Variants in ITPR3 observed in about 807,000 individuals in gnomAD.
ITPR3 encodes inositol 1,4,5-trisphosphate receptor type 3, also known as inositol 1,4,5-trisphosphate-gated calcium channel ITPR3.
In ITPR3, 173 loss-of-function variants were observed where a neutral mutation model predicts 293.2. That is an observed-to-expected ratio of 0.59 (90% confidence interval 0.52 to 0.67). The LOEUF (loss-of-function observed/expected upper bound fraction) is 0.67. Ranked by LOEUF, ITPR3 falls within the 30% of genes least tolerant of loss-of-function variation. The pLI, the probability that ITPR3 is intolerant of heterozygous loss-of-function variation, is 0.00. For synonymous variants in ITPR3, 1,295 were observed against 1,444.4 expected, an observed-to-expected ratio of 0.90 and a Z score of 2.35; for missense variants, 2,796 against 3,592.1, an observed-to-expected ratio of 0.78 and a Z score of 5.66.
rs761522415 is a variant in ITPR3, at chr6:33,693,574, A to T, written c.7654A>T (p.Thr2552Ser). 1.2e-6 allele frequency: 2 copies of T among 1,614,156 alleles called. No individual in the cohort carries two copies. Among genetic ancestry groups the T allele is most frequent in the Non-Finnish European group, 1.7e-6 (2 of 1,180,030 alleles). The stretch of plus-strand genomic sequence containing the variant: ...GGAGAGGGACAAGTTTGATAACAAG[A>T]CAGTGTCATTTGAGGAACACATCAA... ...GLERDKFDNK[T>S]VSFEEHIKLE... is the part of the protein sequence containing the mutation. Residue 2552 changes from threonine to serine, a missense_variant, in exon 56 of 58, where the codon ACA (threonine) becomes TCA (serine). Physicochemically the swap from Thr to Ser is moderately conservative, Grantham distance 58. Around this residue, in one of 8 missense-constraint regions of ITPR3, gnomAD observed 568 missense variants for 796.1 expected, o/e 0.71. Transcript: ENST00000605930.
At chr6:33,694,705 CA>C in intron 56 of ITPR3, 2 of 560,614 alleles carry the variant, frequency 3.6e-6, no homozygotes, top group Admixed American at 3.4e-5. Context: ...TAACGGAAGT[CA>C]GCCTGTCTCG....
chr6:33,677,491 G>A lies in ITPR3; in HGVS notation c.3523-13G>A, dbSNP rs752811677. The A allele has an allele frequency of 5.0e-6, 8 of 1,613,218 alleles. No homozygotes were observed. The highest frequency in any genetic ancestry group is 4.0e-5 in the African/African-American group (3 of 74,870). ...GTAGGGAAGGGGCTCTGGCTCACCCGCCTCCCCTGCAGATCCTGGAAAGGC... is the reference window on the plus strand; with the variant it reads ...GTAGGGAAGGGGCTCTGGCTCACCCACCTCCCCTGCAGATCCTGGAAAGGC... On this transcript the variant is annotated splice_polypyrimidine_tract_variant and intron_variant, in intron 27 of 57. Coordinates refer to ENST00000605930, the MANE Select transcript of ITPR3 (RefSeq NM_002224.4).
At position 33,691,984 on chromosome 6, in the gene ITPR3, G is replaced by T; in HGVS notation, c.7458+56G>T. Reference sequence around the variant, plus strand: ...GGGGCCCAAGCCACTGTCCAGATCAGCAACTGTGGAGAGTCCTGTCCTTGG... The same window carrying T: ...GGGGCCCAAGCCACTGTCCAGATCATCAACTGTGGAGAGTCCTGTCCTTGG... On this transcript the variant is annotated intron_variant, in intron 54 of 57. Coordinates refer to ENST00000605930, the MANE Select transcript of ITPR3 (RefSeq NM_002224.4). This position sits in a 1 kb window ranked among gnomAD's most constrained non-coding sequence, Gnocchi z 4.9. The T allele has an allele frequency of 6.2e-7, 1 of 1,609,232 alleles. No homozygotes were observed. Among genetic ancestry groups the T allele is most frequent in the Non-Finnish European group, 8.5e-7 (1 of 1,178,070 alleles).
In ITPR3 at chr6:33,686,258, G is replaced by C. The variant is rs79380236; in HGVS notation, c.5868+5G>C. On this transcript the variant is annotated splice_donor_5th_base_variant and intron_variant, in intron 42 of 57. Coordinates refer to ENST00000605930, the MANE Select transcript of ITPR3 (RefSeq NM_002224.4). Reference sequence around the variant, plus strand: ...GGCCCCTGCCATGAGAACCAGGTGAGCTGTCCTGGTGGCATAAGTGGCAGC... The same window carrying C: ...GGCCCCTGCCATGAGAACCAGGTGACCTGTCCTGGTGGCATAAGTGGCAGC... 5 of 1,613,128 alleles carry C rather than the reference G, an allele frequency of 3.1e-6. No individual in the cohort carries two copies. The highest frequency in any genetic ancestry group is 4.2e-6 in the Non-Finnish European group (5 of 1,179,678).
chr6:33,676,459 T>C, intron 25 of ITPR3, among the ~76,000 whole-genome samples: 1 of 152,202 alleles, frequency 6.6e-6, no homozygotes, highest in East Asian at 1.9e-4. Context: ...TTGCCCTGCC[T>C]GTTTGGGGTC....
rs1764630575 is a variant in ITPR3, at chr6:33,667,168, G to T, written c.1591G>T (p.Gly531Cys). ...GAAGGCCCCGTTCCGTGAGAAGGGG[G>T]GTGAAGGTCCCCTGGTGCGGCTGGA... is the stretch of plus-strand genomic sequence containing the variant. ...ILKAPFREKGGEGPLVRLEEL... is the reference protein window; with the variant it reads ...ILKAPFREKGCEGPLVRLEEL... The change falls in exon 15 of 58, where the codon GGT becomes TGT. Residue 531 changes from glycine to cysteine, a missense_variant. Coordinates refer to ENST00000605930, the MANE Select transcript of ITPR3 (RefSeq NM_002224.4). The surrounding 1 kb of genome is among the most constrained non-coding windows in gnomAD (Gnocchi z 4.4). 1.9e-6 allele frequency: 3 copies of T among 1,614,048 alleles called. No homozygotes were observed. Among genetic ancestry groups the T allele is most frequent in the Non-Finnish European group, 2.5e-6 (3 of 1,179,998 alleles).
chr6:33,633,338 G>A lies in ITPR3; in HGVS notation c.90-7146G>A, dbSNP rs535214693. ...CCTTGTGGGGAGGCGTTGGCGAGAG[G>A]GGGGTGAAGCGAAGCGGCCACTTAC... On this transcript the variant is annotated intron_variant, in intron 1 of 57. Coordinates refer to ENST00000605930, the MANE Select transcript of ITPR3 (RefSeq NM_002224.4). This position sits in a 1 kb window ranked among gnomAD's most constrained non-coding sequence, Gnocchi z 5.2. Among the ~76,000 whole-genome samples the A allele has an allele frequency of 1.3e-5, 2 of 152,326 alleles. No individual in the cohort carries two copies. Among genetic ancestry groups the A allele is most frequent in the African/African-American group, 4.8e-5 (2 of 41,578 alleles).
rs1005442669 is a variant in ITPR3 at position 33,633,676 on chromosome 6, G to A, written c.90-6808G>A. Among the ~76,000 whole-genome samples, 4 of 149,724 alleles carry A rather than the reference G, an allele frequency of 2.7e-5. No individual in the cohort carries two copies. Among genetic ancestry groups the A allele is most frequent in the Non-Finnish European group, 4.5e-5 (3 of 67,210 alleles). On this transcript the variant is annotated intron_variant, in intron 1 of 57. Transcript: ENST00000605930. The surrounding 1 kb of genome is among the most constrained non-coding windows in gnomAD (Gnocchi z 5.2). ...AGGCAGGCCGGGGCGAGGCCGCGCTGGCCCTCCCTTGGCGGCGGCGGCGCG... is the reference window on the plus strand; with the variant it reads ...AGGCAGGCCGGGGCGAGGCCGCGCTAGCCCTCCCTTGGCGGCGGCGGCGCG...
At chr6:33,651,380 G>A (rs1289750350) in intron 2 of ITPR3, among the ~76,000 whole-genome samples, 2 of 151,838 alleles carry the variant, frequency 1.3e-5, no homozygotes, top group Non-Finnish European at 2.9e-5. Context: ...TGAGGGTCTC[G>A]CCAGTTCAAG....
chr6:33,625,417 C>T (rs958774411), intron 1 of ITPR3, among the ~76,000 whole-genome samples: 2 of 152,082 alleles, frequency 1.3e-5, no homozygotes, highest in African/African-American at 4.8e-5. Flanking sequence ...TTAGTAGAGA[C>T]TGGGTTTCTC....
In ITPR3 at chr6:33,692,471, C is replaced by T. The variant is rs1352879683; in HGVS notation, c.7459-257C>T. Among the ~76,000 whole-genome samples the T allele has an allele frequency of 6.6e-6, 1 of 152,086 alleles. No homozygotes were observed. Among genetic ancestry groups the T allele is most frequent in the Non-Finnish European group, 1.5e-5 (1 of 68,018 alleles). On this transcript the variant is annotated intron_variant, in intron 54 of 57. Transcript: ENST00000605930. This position sits in a 1 kb window ranked among gnomAD's most constrained non-coding sequence, Gnocchi z 4.2. Reference sequence around the variant, plus strand: ...GCCCTACCTCCCCGCCAGACTCCTTCTGCAGGCCTCCACCCCGGCGTGTCC... The same window carrying T: ...GCCCTACCTCCCCGCCAGACTCCTTTTGCAGGCCTCCACCCCGGCGTGTCC...
intron 7 of ITPR3, among the ~76,000 whole-genome samples, 188 bp downstream of exon 7, chr6:33,659,737 T>C (rs944759771): frequency 2.2e-4 from 34 of 152,278 alleles, no homozygotes; most frequent in Admixed American, 2.1e-3. Flanking sequence ...GCTTCTCTCG[T>C]CTCTGGCCAC....
At chr6:33,631,287 C>T (rs772600942) in intron 1 of ITPR3, among the ~76,000 whole-genome samples, 13 of 152,276 alleles carry the variant, frequency 8.5e-5, no homozygotes, top group South Asian at 4.1e-4. Flanking sequence ...ACCATCAAGA[C>T]GCGGAGACCA....
In ITPR3 at chr6:33,621,815, G is replaced by A; in HGVS notation, c.89+124G>A. Reference sequence around the variant, plus strand: ...CTGGACGTCCCCCTAGTCTCAAGGAGCGGGAACGGCTCGCCTCCTTCTTTT... The same window carrying A: ...CTGGACGTCCCCCTAGTCTCAAGGAACGGGAACGGCTCGCCTCCTTCTTTT... On this transcript the variant is annotated intron_variant, in intron 1 of 57. Transcript: ENST00000605930. This position sits in a 1 kb window ranked among gnomAD's most constrained non-coding sequence, Gnocchi z 7.7. The A allele has an allele frequency of 2.9e-6, 2 of 692,332 alleles. No homozygotes were observed. The allele number at this position is 692,332 out of a possible 1,614,324, so 42.9% of individuals were successfully genotyped here.
Position 33,667,149 on chromosome 6 carries a change from C to T in ITPR3, c.1572C>T (p.Ala524=), listed in dbSNP as rs1332848154. The part of the protein sequence containing the change: ...ILKQVFGILK[A]PFREKGGEGP... ...CCCAGGTCTTTGGCATTCTGAAGGC[C>T]CCGTTCCGTGAGAAGGGGGGTGAAG... The change falls in exon 15 of 58, where the codon GCC becomes GCT. Residue 524 remains alanine (A), a synonymous_variant. Coordinates refer to ENST00000605930, the MANE Select transcript of ITPR3 (RefSeq NM_002224.4). The surrounding 1 kb of genome is among the most constrained non-coding windows in gnomAD (Gnocchi z 4.4). 3.1e-6 allele frequency: 5 copies of T among 1,613,970 alleles called. No individual in the cohort carries two copies. Among genetic ancestry groups the T allele is most frequent in the Non-Finnish European group, 4.2e-6 (5 of 1,179,986 alleles).
chr6:33,668,832 C>A, intron 17 of ITPR3, 142 bp from the exon 18 acceptor site: 1 of 1,174,018 alleles, frequency 8.5e-7, no homozygotes, highest in Non-Finnish European at 1.2e-6. Flanking sequence ...AAGAATGAGC[C>A]ACGGACCCTG....
At chr6:33,653,032 C>T (rs1052362720) in intron 2 of ITPR3, among the ~76,000 whole-genome samples, 4 of 152,104 alleles carry the variant, frequency 2.6e-5, no homozygotes, top group African/African-American at 9.7e-5. Context: ...CTTAGTCCCC[C>T]AAGTAGCTGG....
At position 33,686,100 on chromosome 6, in the gene ITPR3, C is replaced by A; in HGVS notation, c.5715C>A (p.Cys1905Ter). 1.2e-6 allele frequency: 2 copies of A among 1,614,178 alleles called. No individual in the cohort carries two copies. Among genetic ancestry groups the A allele is most frequent in the Non-Finnish European group, 1.7e-6 (2 of 1,180,040 alleles). ...QNNKTNYNLV[C>*]ETLQFLDIMC... is the part of the protein sequence containing the mutation. ...ACAAAACCAACTACAACTTGGTATG[C>A]GAGACGCTGCAGTTCCTGGACATCA... is the stretch of plus-strand genomic sequence containing the variant. Residue 1905 changes from cysteine (C) to a stop codon, truncating the protein, a stop_gained, in exon 42 of 58, where the codon TGC becomes TGA. Coordinates refer to ENST00000605930, the MANE Select transcript of ITPR3 (RefSeq NM_002224.4). LOFTEE classifies it high-confidence loss of function.
In ITPR3 at chr6:33,642,776, G is replaced by T. The variant is rs539536566; in HGVS notation, c.160+2222G>T. 3.9e-5 allele frequency among the ~76,000 whole-genome samples: 6 copies of T among 152,150 alleles called. No homozygotes were observed. The South Asian group carries it at 1.2e-3, about 32-fold the overall frequency. ...GGCCACCCCGTGGTCCCATATCCTC[G>T]CTGGGTCCATCCAGCAAAGTGATGT... is the stretch of plus-strand genomic sequence containing the variant. On this transcript the variant is annotated intron_variant, in intron 2 of 57. Transcript: ENST00000605930.
Sources: gnomAD v4.1 joint callset for allele counts (sites outside exome capture counted in the v4.1 genomes callset) on GRCh38, gnomAD v4.1.1 for gene constraint, gnomAD v4.1.1 regional missense constraint, Gnocchi (gnomAD v3.1) non-coding constraint, MANE v1.5 for transcripts, NCBI Gene and HGNC (gene_info 2026-07-23, HGNC 2026-07-21) for gene names.